Variants in PPP1R9A observed in about 807,000 individuals in gnomAD.
PPP1R9A encodes the protein neurabin-1.
In PPP1R9A, 59 loss-of-function variants were observed where a neutral mutation model predicts 141.9. That is an observed-to-expected ratio of 0.42 (90% confidence interval 0.34 to 0.52). PPP1R9A has a LOEUF of 0.52. PPP1R9A is among the 20% of genes least tolerant of loss of function. The pLI, the probability that PPP1R9A is intolerant of heterozygous loss-of-function variation, is 0.10. For missense variants in PPP1R9A, 1,444 were observed against 1,611.9 expected (o/e 0.90, Z 1.78); for synonymous variants, 500 against 569.7 (o/e 0.88, Z 1.74).
At chr7:95,077,619 A>T (rs1218466826) in intron 2 of PPP1R9A, among the ~76,000 whole-genome samples, 1 of 152,204 alleles carries the variant, frequency 6.6e-6, no homozygotes, top group Non-Finnish European at 1.5e-5. Flanking sequence ...AAGACAGATT[A>T]ACAAGAAAAA....
chr7:95,160,976 G>A (rs369483416), intron 4 of PPP1R9A, among the ~76,000 whole-genome samples: 1 of 152,150 alleles, frequency 6.6e-6, no homozygotes, highest in Non-Finnish European at 1.5e-5. Flanking sequence ...GAACAGTGCT[G>A]CAGTGAACAT....
chr7:95,272,034 T>C (rs1180367914), intron 14 of PPP1R9A, among the ~76,000 whole-genome samples: 1 of 152,154 alleles, frequency 6.6e-6, no homozygotes, highest in African/African-American at 2.4e-5. Flanking sequence ...CTTTGGCAAA[T>C]GTGTGAGATA....
chr7:95,272,932 ATC>A, intron 14 of PPP1R9A, among the ~76,000 whole-genome samples: 1 of 152,238 alleles, frequency 6.6e-6, no homozygotes, highest in Non-Finnish European at 1.5e-5. Flanking sequence ...CATAAAAAAC[ATC>A]AAATTTAAAA....
chr7:95,188,718 C>G (rs182682693), intron 5 of PPP1R9A, among the ~76,000 whole-genome samples: 19 of 151,792 alleles, frequency 1.3e-4, no homozygotes, highest in Non-Finnish European at 2.8e-4. Flanking sequence ...ACTTCCTCAG[C>G]CTCCTGAGTA....
At chr7:95,009,451 C>T (rs1288320167) in intron 2 of PPP1R9A, among the ~76,000 whole-genome samples, 3 of 152,166 alleles carry the variant, frequency 2.0e-5, no homozygotes, top group Non-Finnish European at 4.4e-5. Context: ...TTTCCTAATG[C>T]TACCAGTGGC....
intron 2 of PPP1R9A, among the ~76,000 whole-genome samples, chr7:95,049,727 C>G (rs1810529299): frequency 6.6e-6 from 1 of 152,106 alleles, no homozygotes; most frequent in South Asian, 2.1e-4. Context: ...TTACTGTCTC[C>G]CTACATTTTG....
At chr7:94,929,333 T>C (rs957788050) in intron 2 of PPP1R9A, among the ~76,000 whole-genome samples, 2 of 152,168 alleles carry the variant, frequency 1.3e-5, no homozygotes, top group African/African-American at 4.8e-5. Flanking sequence ...CACAGGATGC[T>C]GTGAGTGCGG....
intron 2 of PPP1R9A, among the ~76,000 whole-genome samples, chr7:94,933,863 C>T (rs1342378708): frequency 6.6e-6 from 1 of 152,030 alleles, no homozygotes; most frequent in African/African-American, 2.4e-5. Flanking sequence ...TAGAATAGGC[C>T]CTTCATGATA....
rs1326949692 is a variant in PPP1R9A, at chr7:94,919,300, CATTTT to C, written c.1395+7793_1395+7797del. Among the ~76,000 whole-genome samples the C allele has an allele frequency of 2.0e-4, 24 of 120,176 alleles. 2 individuals carry two copies. Among genetic ancestry groups the C allele is most frequent in the East Asian group, 1.1e-3 (4 of 3,578 alleles). 78.8% of individuals were successfully genotyped at this position (120,176 alleles called of 152,430 possible). ...GTGTGCCACAGTGCCTGGATAATTA[CATTTT>C]TTTTTTTTTTTTTTTTTTTTGTAGA... On this transcript the variant is annotated intron_variant, in intron 2 of 19. Transcript: ENST00000433360.
intron 2 of PPP1R9A, among the ~76,000 whole-genome samples, chr7:94,986,645 G>C (rs1450466606): frequency 6.6e-6 from 1 of 152,156 alleles, no homozygotes; most frequent in Non-Finnish European, 1.5e-5. Context: ...ATAAATGTTT[G>C]AGGTGCTGCA....
At chr7:94,974,845 T>G (rs563607684) in intron 2 of PPP1R9A, among the ~76,000 whole-genome samples, 9 of 151,888 alleles carry the variant, frequency 5.9e-5, no homozygotes, top group African/African-American at 2.2e-4. Context: ...GAGAAAGTTA[T>G]AGAGAAGAGA....
At chr7:94,996,945 G>C (rs370722373) in intron 2 of PPP1R9A, among the ~76,000 whole-genome samples, 2 of 151,904 alleles carry the variant, frequency 1.3e-5, no homozygotes, top group Non-Finnish European at 2.9e-5. Flanking sequence ...TGGGATTACA[G>C]GCATGTGCTA....
chr7:94,939,765 A>ATT (rs1027021127), intron 2 of PPP1R9A, among the ~76,000 whole-genome samples: 42 of 149,390 alleles, frequency 2.8e-4, no homozygotes, highest in Non-Finnish European at 5.9e-4. Context: ...CAGGGACAAG[A>ATT]TTATATATAT....
rs1035425839 is a variant in PPP1R9A, at chr7:94,924,358, A to G, written c.1395+12850A>G. Among the ~76,000 whole-genome samples, 33 of 152,176 alleles carry G rather than the reference A, an allele frequency of 2.2e-4. 1 individual carries two copies. Among genetic ancestry groups the G allele is most frequent in the African/African-American group, 8.0e-4 (33 of 41,430 alleles). ...TATCTTGCTGGCTCCTTCTCTGTATAACGAGTTCTGTGAGTAGTAGCATTA... is the reference window on the plus strand; with the variant it reads ...TATCTTGCTGGCTCCTTCTCTGTATGACGAGTTCTGTGAGTAGTAGCATTA... On this transcript the variant is annotated intron_variant, in intron 2 of 19. Transcript: ENST00000433360.
intron 7 of PPP1R9A, among the ~76,000 whole-genome samples, chr7:95,205,469 T>C (rs1790586520): frequency 6.6e-6 from 1 of 152,158 alleles, no homozygotes; most frequent in East Asian, 1.9e-4. Context: ...CTACCACAAA[T>C]GACAGTATTT....
chr7:95,059,434 G>A (rs954423234), intron 2 of PPP1R9A, among the ~76,000 whole-genome samples: 2 of 151,822 alleles, frequency 1.3e-5, no homozygotes, highest in Non-Finnish European at 2.9e-5. Flanking sequence ...CACATTTTAC[G>A]GAGGCTAACC....
chr7:95,264,269 A>G (rs1800907573), intron 12 of PPP1R9A, among the ~76,000 whole-genome samples: 1 of 152,218 alleles, frequency 6.6e-6, no homozygotes, highest in African/African-American at 2.4e-5. Context: ...TCCATTGGTA[A>G]TAGCACAGGC....
chr7:95,179,187 G>T (rs1424146858), intron 5 of PPP1R9A, among the ~76,000 whole-genome samples: 1 of 152,120 alleles, frequency 6.6e-6, no homozygotes, highest in Non-Finnish European at 1.5e-5. Context: ...GATCAAGTGG[G>T]TTTCATACTA....
intron 4 of PPP1R9A, among the ~76,000 whole-genome samples, chr7:95,122,182 T>C (rs1351131047): frequency 2.7e-5 from 4 of 146,472 alleles, no homozygotes; most frequent in Admixed American, 1.3e-4. Context: ...CATCTCATTG[T>C]GTTGCCTAAG....
Sources: allele counts gnomAD v4.1 joint callset (sites outside exome capture counted in the v4.1 genomes callset), GRCh38; gene constraint gnomAD v4.1.1; transcripts MANE v1.5; gene names NCBI Gene and HGNC (gene_info 2026-07-23, HGNC 2026-07-21).